The following TNFRSF11A variants were observed in gnomAD, a reference collection of about 807,000 sequenced individuals.
TNFRSF11A encodes the protein TNF receptor superfamily member 11a.
In TNFRSF11A, 32 loss-of-function variants were observed where a neutral mutation model predicts 55.7. That is an observed-to-expected ratio of 0.57 (90% CI 0.43 to 0.77). The LOEUF (loss-of-function observed/expected upper bound fraction) is 0.77, where lower values mean the gene tolerates loss of function less well. TNFRSF11A is among the 30% of genes least tolerant of loss of function. TNFRSF11A has a pLI of 0.00. For missense variants in TNFRSF11A, 753 were observed against 809.8 expected, an observed-to-expected ratio of 0.93 and a Z score of 0.85; for synonymous variants, 311 against 331.0, an observed-to-expected ratio of 0.94 and a Z score of 0.65.
chr18:62,373,610 A>G (rs1458901033), intron 9 of TNFRSF11A, among the ~76,000 whole-genome samples: 2 of 152,186 alleles, frequency 1.3e-5, no homozygotes, highest in Admixed American at 6.5e-5. Context: ...TTGTTCCCCC[A>G]AGTCACTCTC....
In TNFRSF11A at chr18:62,382,661, GA is replaced by G. The variant is rs1264961616; in HGVS notation, c.1568-2089del. Among the ~76,000 whole-genome samples, 7 of 152,208 alleles carry G rather than the reference GA, an allele frequency of 4.6e-5. No homozygotes were observed. The East Asian group carries it at 1.4e-3, about 29-fold the overall frequency. Reference sequence around the variant, plus strand: ...GTTTTGTTTTGGTTTTCTGCGGGGGGAGTGGAACCAGCTTGCTTCTGTGCCG... The same window carrying G: ...GTTTTGTTTTGGTTTTCTGCGGGGGGGTGGAACCAGCTTGCTTCTGTGCCG... On this transcript the variant is annotated intron_variant, in intron 9 of 9. Coordinates refer to ENST00000586569, the MANE Select transcript of TNFRSF11A (RefSeq NM_003839.4).
rs1350274927 is a variant in TNFRSF11A, at chr18:62,385,883, C to T, written c.*849C>T. The T allele has an allele frequency of 6.6e-6, 1 of 152,174 alleles. No homozygotes were observed. Among genetic ancestry groups the T allele is most frequent in the Non-Finnish European group, 1.5e-5 (1 of 68,030 alleles). 9.4% of individuals were successfully genotyped at this position (152,174 alleles called of 1,614,324 possible). On this transcript the variant is annotated 3_prime_UTR_variant, in exon 10 of 10. Transcript: ENST00000586569. The stretch of plus-strand genomic sequence containing the variant: ...TAAACACTTTTGGGAAAGGGCTAAA[C>T]ATGTGAGGCCTGGAGATAGTTGCTA...
chr18:62,369,686 G>C (rs1262335256), intron 9 of TNFRSF11A, among the ~76,000 whole-genome samples: 2 of 152,232 alleles, frequency 1.3e-5, no homozygotes, highest in East Asian at 1.9e-4. Context: ...GCGCTGTGTG[G>C]CTTCATCGTT....
At chr18:62,337,510 G>A (rs1453300189) in intron 1 of TNFRSF11A, among the ~76,000 whole-genome samples, 4 of 152,094 alleles carry the variant, frequency 2.6e-5, no homozygotes, top group East Asian at 1.9e-4. Context: ...TTAGTCACAC[G>A]GGCTATCTTG....
At chr18:62,381,861 T>C (rs1911310540) in intron 9 of TNFRSF11A, among the ~76,000 whole-genome samples, 2 of 152,192 alleles carry the variant, frequency 1.3e-5, no homozygotes, top group African/African-American at 4.8e-5. Flanking sequence ...TTTGACTTTT[T>C]CTATTAACCA....
At position 62,374,139 on chromosome 18, in the gene TNFRSF11A, C is replaced by T. The variant is rs566450128; in HGVS notation, c.1567+4655C>T. 5 of 152,312 alleles carry T rather than the reference C, an allele frequency of 3.3e-5. No individual in the cohort carries two copies. In the South Asian group the frequency reaches 1.0e-3, roughly 32 times the overall value. The allele number at this position is 152,312 out of a possible 1,614,324, so 9.4% of individuals were successfully genotyped here. On this transcript the variant is annotated intron_variant, in intron 9 of 9. Coordinates refer to ENST00000586569, the MANE Select transcript of TNFRSF11A (RefSeq NM_003839.4). The stretch of plus-strand genomic sequence containing the variant: ...TTGGTTATCTGGTGATAATATTCAG[C>T]TTTCATTGCTGTAAAACATCAATGC...
chr18:62,349,806 T>C lies in TNFRSF11A; in HGVS notation c.158-6T>C, dbSNP rs2046438455. ...TGGTTGCATTTTTCTCCCTCATTTT[T>C]TTAAGGAAAGTACATGTCTTCTAAA... is the stretch of plus-strand genomic sequence containing the variant. On this transcript the variant is annotated splice_region_variant and splice_polypyrimidine_tract_variant and intron_variant, in intron 2 of 9. Coordinates refer to ENST00000586569, the MANE Select transcript of TNFRSF11A (RefSeq NM_003839.4). 3.1e-6 allele frequency: 5 copies of C among 1,613,820 alleles called. No individual in the cohort carries two copies. The highest frequency in any genetic ancestry group is 4.2e-6 in the Non-Finnish European group (5 of 1,179,854).
chr18:62,348,116 T>C (rs2046412162), intron 1 of TNFRSF11A, 52 bp from the exon 2 acceptor site: 1 of 1,435,578 alleles, frequency 7.0e-7, no homozygotes, highest in African/African-American at 1.4e-5. Context: ...TACCTAGTTT[T>C]ATCCAGAAAG....
At chr18:62,344,327 A>G (rs900715634) in intron 1 of TNFRSF11A, among the ~76,000 whole-genome samples, 2 of 152,244 alleles carry the variant, frequency 1.3e-5, no homozygotes, top group African/African-American at 4.8e-5. Context: ...TGACTCTATC[A>G]GTCTTAAAGG....
intron 1 of TNFRSF11A, among the ~76,000 whole-genome samples, chr18:62,344,919 C>G (rs2046361121): frequency 6.6e-6 from 1 of 152,206 alleles, no homozygotes; most frequent in South Asian, 2.1e-4. Flanking sequence ...CCAGGGCAGT[C>G]TAACGGGAAA....
chr18:62,382,402 C>T (rs182538333), intron 9 of TNFRSF11A, among the ~76,000 whole-genome samples: 27 of 152,302 alleles, frequency 1.8e-4, no homozygotes, highest in African/African-American at 4.8e-4. Flanking sequence ...TGAGCCACCG[C>T]GCCCGGCCTC....
chr18:62,354,626 AG>A, intron 4 of TNFRSF11A, 92 bp downstream of exon 4: 1 of 1,575,572 alleles, frequency 6.3e-7, no homozygotes. Flanking sequence ...AGAAAGCTCC[AG>A]GGTGCTAGGC....
chr18:62,351,899 C>T (rs2046479175), intron 3 of TNFRSF11A, among the ~76,000 whole-genome samples: 2 of 152,150 alleles, frequency 1.3e-5, no homozygotes, highest in Non-Finnish European at 2.9e-5. Context: ...CGGGTTCAAA[C>T]GATTCTCCTG....
chr18:62,361,333 G>A (rs1024964613), intron 6 of TNFRSF11A, among the ~76,000 whole-genome samples: 20 of 152,168 alleles, frequency 1.3e-4, no homozygotes, highest in Admixed American at 1.1e-3. Context: ...TTTGTCTGCA[G>A]GGGTCATTTT....
At chr18:62,364,677 G>A (rs544185322) in intron 7 of TNFRSF11A, among the ~76,000 whole-genome samples, 1 of 152,240 alleles carries the variant, frequency 6.6e-6, no homozygotes, top group East Asian at 1.9e-4. Flanking sequence ...ATATATAATT[G>A]CAAAATAAGA....
intron 1 of TNFRSF11A, among the ~76,000 whole-genome samples, chr18:62,337,583 ATCC>A (rs2145255856): frequency 6.6e-6 from 1 of 152,166 alleles, no homozygotes; most frequent in South Asian, 2.1e-4. Context: ...TCCACCTGTA[ATCC>A]TCCTCCTGGC....
At position 62,387,102 on chromosome 18, in the gene TNFRSF11A, C is replaced by A. The variant is rs1466289627; in HGVS notation, c.*2068C>A. The A allele has an allele frequency of 6.6e-6, 1 of 152,114 alleles. No individual in the cohort carries two copies. Among genetic ancestry groups the A allele is most frequent in the African/African-American group, 2.4e-5 (1 of 41,412 alleles). The allele number at this position is 152,114 out of a possible 1,614,324, so 9.4% of individuals were successfully genotyped here. A position where few individuals can be genotyped will look rare whatever the true frequency, so the allele number is the denominator to read the frequency against. The stretch of plus-strand genomic sequence containing the variant: ...CAATAATGATAATTTATAATAGTTT[C>A]CCTACCCAGAGATATTAGAAGTATG... On this transcript the variant is annotated 3_prime_UTR_variant, in exon 10 of 10. Transcript: ENST00000586569.
At chr18:62,357,944 T>G (rs1600389184) in intron 4 of TNFRSF11A, 2 of 370,452 alleles carry the variant, frequency 5.4e-6, no homozygotes, top group Non-Finnish European at 1.0e-5. Context: ...CAACAAAGGG[T>G]CATGACCAGA....
intron 6 of TNFRSF11A, among the ~76,000 whole-genome samples, chr18:62,360,679 C>T (rs558507289): frequency 6.6e-6 from 1 of 152,118 alleles, no homozygotes; most frequent in Admixed American, 6.6e-5. Context: ...ACTCCTGGCC[C>T]CAGGTGATCT....
Sources: gnomAD v4.1 joint callset for allele counts (sites outside exome capture counted in the v4.1 genomes callset) on GRCh38, gnomAD v4.1.1 for gene constraint, MANE v1.5 for transcripts, NCBI Gene and HGNC (gene_info 2026-07-23, HGNC 2026-07-21) for gene names.